The following GTF2E2 variants were observed in gnomAD, a reference collection of about 807,000 sequenced individuals.
The protein encoded by GTF2E2 is general transcription factor IIE subunit 2.
A neutral mutation model predicts 40.5 loss-of-function variants in GTF2E2; 21 were observed. That is an observed-to-expected ratio of 0.52 (90% CI 0.37 to 0.75). GTF2E2 has a LOEUF of 0.75. Among genes scored for constraint, GTF2E2 ranks in the 30% least tolerant of loss-of-function variants. The pLI, the probability that GTF2E2 is intolerant of heterozygous loss-of-function variation, is 0.00. For missense variants in GTF2E2, 298 were observed against 338.4 expected (o/e 0.88, Z 0.94); for synonymous variants, 117 against 121.6 (o/e 0.96, Z 0.25).
chr8:30,637,304 G>A (rs751752601), intron 2 of GTF2E2: 7 of 456,092 alleles, frequency 1.5e-5, no homozygotes, highest in South Asian at 1.1e-4. Flanking sequence ...AATGTGTTAA[G>A]GACAAACACC....
chr8:30,654,963 G>A (rs74605798), intron 1 of GTF2E2, among the ~76,000 whole-genome samples: 5,616 of 152,184 alleles, frequency 0.037, 358 homozygotes, highest in African/African-American at 0.13. Context: ...ACAGAGAGCC[G>A]GGCACAGTGG....
intron 6 of GTF2E2, among the ~76,000 whole-genome samples, chr8:30,582,215 G>A (rs1030810634): frequency 6.6e-6 from 1 of 152,094 alleles, no homozygotes; most frequent in African/African-American, 2.4e-5. Flanking sequence ...GTAGAGATGA[G>A]GTTTTACCAT....
chr8:30,594,254 A>C (rs1828930953), intron 6 of GTF2E2, among the ~76,000 whole-genome samples: 3 of 145,518 alleles, frequency 2.1e-5, no homozygotes, highest in East Asian at 4.3e-4. Context: ...ATTTAAAGTG[A>C]GTTTCTTTTT....
intron 3 of GTF2E2, among the ~76,000 whole-genome samples, chr8:30,618,259 T>C (rs1435799654): frequency 7.7e-5 from 4 of 52,046 alleles, no homozygotes; most frequent in African/African-American, 5.7e-4. Flanking sequence ...GTTGCACTAT[T>C]GCACTCCAGC....
intron 6 of GTF2E2, among the ~76,000 whole-genome samples, chr8:30,584,217 G>GA (rs1228762911): frequency 4.8e-5 from 7 of 146,832 alleles, no homozygotes; most frequent in Admixed American, 4.7e-4. Flanking sequence ...TTTTCCTCCA[G>GA]TTTTTCTTCT....
chr8:30,586,034 C>G (rs760727734), intron 6 of GTF2E2, among the ~76,000 whole-genome samples: 1 of 152,100 alleles, frequency 6.6e-6, no homozygotes, highest in Non-Finnish European at 1.5e-5. Context: ...TACAATTGTG[C>G]CACTGCACTC....
Position 30,617,559 on chromosome 8 carries a change from T to C in GTF2E2, c.259-2844A>G, listed in dbSNP as rs541403318. Among the ~76,000 whole-genome samples the C allele has an allele frequency of 1.2e-4, 19 of 152,034 alleles. No individual in the cohort carries two copies. In the South Asian group the frequency reaches 3.7e-3, roughly 30 times the overall value. On this transcript the variant is annotated intron_variant, in intron 3 of 7. Coordinates refer to ENST00000355904, the MANE Select transcript of GTF2E2 (RefSeq NM_002095.6). The stretch of plus-strand genomic sequence containing the variant: ...GAGATTGAGGCCAGCCTGGACAACA[T>C]GGCAAAACTCTGACTCTACCAAAAA...
chr8:30,635,625 C>T (rs1269856652), intron 2 of GTF2E2, among the ~76,000 whole-genome samples: 1 of 152,096 alleles, frequency 6.6e-6, no homozygotes, highest in Non-Finnish European at 1.5e-5. Context: ...TCAAGAGATT[C>T]ACCCATCTCA....
chr8:30,587,625 C>G (rs192670698), intron 6 of GTF2E2, among the ~76,000 whole-genome samples: 30 of 152,084 alleles, frequency 2.0e-4, no homozygotes, highest in African/African-American at 7.0e-4. Context: ...ATAATCCCAG[C>G]ACTTTGGGAG....
chr8:30,579,702 AGGGTGCTGGTGAATCATCCCCCCG>A (rs1353205691), intron 7 of GTF2E2, among the ~76,000 whole-genome samples: 2 of 152,184 alleles, frequency 1.3e-5, no homozygotes, highest in African/African-American at 4.8e-5. Context: ...ACTGCTAACA[AGGGTGCTGGTGAATCATCCCCCCG>A]GGCTTTGTTC....
At chr8:30,629,503 G>A (rs867731521) in intron 3 of GTF2E2, among the ~76,000 whole-genome samples, 18 of 151,872 alleles carry the variant, frequency 1.2e-4, no homozygotes, top group South Asian at 4.2e-4. Context: ...TGGCTAACAC[G>A]GTGAAACCCC....
chr8:30,653,304 C>A (rs771115936), intron 2 of GTF2E2, 129 bp downstream of exon 2: 9 of 684,732 alleles, frequency 1.3e-5, no homozygotes, highest in South Asian at 1.9e-5. Context: ...TCTCTTGTCC[C>A]ATCCTTTATA....
Position 30,651,426 on chromosome 8 carries a change from A to G in GTF2E2, c.166+2007T>C, listed in dbSNP as rs191580224. Among the ~76,000 whole-genome samples the G allele has an allele frequency of 8.7e-3, 1,325 of 152,312 alleles. 12 individuals are homozygous for G. The highest frequency in any genetic ancestry group is 0.014 in the Non-Finnish European group (957 of 68,028). ...TGAACAATTTAAAAAAAAAAATCAA[A>G]GAAAACAATTTCATTCATAAGTGAG... On this transcript the variant is annotated intron_variant, in intron 2 of 7. Coordinates refer to ENST00000355904, the MANE Select transcript of GTF2E2 (RefSeq NM_002095.6).
chr8:30,648,968 T>C (rs1434495341), intron 2 of GTF2E2, among the ~76,000 whole-genome samples: 1 of 152,160 alleles, frequency 6.6e-6, no homozygotes, highest in Non-Finnish European at 1.5e-5. Context: ...GTGGGGAAGA[T>C]GAAATTCGCT....
intron 6 of GTF2E2, among the ~76,000 whole-genome samples, chr8:30,592,509 G>A (rs1828877608): frequency 6.6e-6 from 1 of 152,160 alleles, no homozygotes; most frequent in Admixed American, 6.5e-5. Context: ...TGGTATCCAT[G>A]GGGGATTGGT....
At chr8:30,632,428 T>C (rs754695676) in intron 3 of GTF2E2, among the ~76,000 whole-genome samples, 11 of 152,290 alleles carry the variant, frequency 7.2e-5, no homozygotes, top group South Asian at 4.1e-4. Context: ...TTATGGCTAG[T>C]TGGTTTGACA....
chr8:30,607,151 CT>C lies in GTF2E2; in HGVS notation c.550-2del. ...CAAATAGTATCTGGTCCCCCAAAGC[CT>C]TAAAGATAGATAAAATAAAGATTTT... On this transcript the variant is annotated splice_acceptor_variant, in intron 5 of 7. Coordinates refer to ENST00000355904, the MANE Select transcript of GTF2E2 (RefSeq NM_002095.6). LOFTEE classifies it high-confidence loss of function. 8.2e-7 allele frequency: 1 copy of C among 1,214,202 alleles called. No individual in the cohort carries two copies. 75.2% of individuals were successfully genotyped at this position (1,214,202 alleles called of 1,614,324 possible).
At chr8:30,588,219 G>C (rs898991385) in intron 6 of GTF2E2, among the ~76,000 whole-genome samples, 2 of 152,152 alleles carry the variant, frequency 1.3e-5, no homozygotes, top group African/African-American at 4.8e-5. Context: ...CCCACTTCTG[G>C]ATATTTATTC....
intron 2 of GTF2E2, among the ~76,000 whole-genome samples, chr8:30,649,744 G>A (rs1279404211): frequency 6.6e-6 from 1 of 152,126 alleles, no homozygotes; most frequent in East Asian, 1.9e-4. Flanking sequence ...ACTCTGGGGG[G>A]CCTGAGAGAC....
Sources: allele counts gnomAD v4.1 joint callset (sites outside exome capture counted in the v4.1 genomes callset), GRCh38; gene constraint gnomAD v4.1.1; transcripts MANE v1.5; gene names NCBI Gene and HGNC (gene_info 2026-07-23, HGNC 2026-07-21).